Variants in SHOX2 observed in about 807,000 individuals in gnomAD.
SHOX2 encodes the protein short stature homeobox protein 2.
Under a neutral mutation model 31.3 loss-of-function variants are expected in SHOX2, and 13 were observed. The observed-to-expected ratio is 0.42, with a 90% confidence interval of 0.27 to 0.66. The LOEUF (loss-of-function observed/expected upper bound fraction) is 0.66, where lower values mean the gene tolerates loss of function less well. Ranked by LOEUF, SHOX2 falls within the 30% of genes least tolerant of loss-of-function variation. The pLI, the probability that SHOX2 is intolerant of heterozygous loss-of-function variation, is 0.27. For missense variants in SHOX2, 473 were observed against 443.0 expected, an observed-to-expected ratio of 1.07 and a Z score of -0.61; for synonymous variants, 244 against 196.2, an observed-to-expected ratio of 1.24 and a Z score of -2.04.
Position 158,106,120 on chromosome 3 carries a change from T to C in SHOX2, c.-96A>G, listed in dbSNP as rs75077515. The C allele has an allele frequency of 0.037, 57,856 of 1,560,980 alleles. 1,224 individuals carry two copies. The highest frequency in any genetic ancestry group is 0.044 in the Admixed American group (2,385 of 54,070). On this transcript the variant is annotated 5_prime_UTR_variant, in exon 1 of 5. Transcript: ENST00000483851. The stretch of plus-strand genomic sequence containing the variant: ...TTTACTGCTCCAGCCCCCCCAATAA[T>C]AACACATCAATGGGACAGGAGGTGG...
chr3:158,105,838 C>T lies in SHOX2; in HGVS notation c.187G>A (p.Gly63Ser). The T allele has an allele frequency of 1.4e-6, 2 of 1,447,616 alleles. No homozygotes were observed. Among genetic ancestry groups the T allele is most frequent in the Non-Finnish European group, 1.8e-6 (2 of 1,104,306 alleles). 89.7% of individuals were successfully genotyped at this position (1,447,616 alleles called of 1,614,324 possible). The change falls in exon 1 of 5, where the codon GGC becomes AGC. Residue 63 changes from glycine (G) to serine (S), a missense_variant. Gly to Ser is a moderately conservative substitution (Grantham distance 56). Coordinates refer to ENST00000483851, the MANE Select transcript of SHOX2 (RefSeq NM_001163678.2). ...CCGCCGCCTCCGCCTCCTCCGCCGC[C>T]GCCTCCGCCGGCCGCCCGGACTGCC... ...SPAVRAAGGG[G>S]GGGGGGGGGG...
chr3:158,096,625 A>G lies in SHOX2; in HGVS notation c.*1402T>C, dbSNP rs1455076765. ...GAATTTGACGGGATAGAGAGGGGGA[A>G]ATAAACCACTGTCTTCAAATAGGAC... On this transcript the variant is annotated 3_prime_UTR_variant, in exon 5 of 5. Coordinates refer to ENST00000483851, the MANE Select transcript of SHOX2 (RefSeq NM_001163678.2). The G allele has an allele frequency of 6.6e-6, 1 of 152,368 alleles. No individual in the cohort carries two copies. Among genetic ancestry groups the G allele is most frequent in the Non-Finnish European group, 1.5e-5 (1 of 68,008 alleles). The allele number at this position is 152,368 out of a possible 1,614,324, so 9.4% of individuals were successfully genotyped here. A position where few individuals can be genotyped will look rare whatever the true frequency, so the allele number is the denominator to read the frequency against.
chr3:158,105,704 C>T lies in SHOX2; in HGVS notation c.321G>A (p.Glu107=). Reference sequence around the variant, plus strand: ...CCTCCGTCAGTCGCGGGCTGCCCGGCTCCCTGCTTCTCTCGGCGGCGCCCA... The same window carrying T: ...CCTCCGTCAGTCGCGGGCTGCCCGGTTCCCTGCTTCTCTCGGCGGCGCCCA... ...LDMGAAERSR[E]PGSPRLTEVS... The change falls in exon 1 of 5, where the codon GAG becomes GAA. Residue 107 remains glutamate (E), a synonymous_variant. Transcript: ENST00000483851. The T allele has an allele frequency of 6.6e-7, 1 of 1,523,470 alleles. No homozygotes were observed. Among genetic ancestry groups the T allele is most frequent in the East Asian group, 2.8e-5 (1 of 36,322 alleles). 94.4% of individuals were successfully genotyped at this position (1,523,470 alleles called of 1,614,324 possible).
intron 1 of SHOX2, chr3:158,103,098 A>G: frequency 3.3e-6 from 2 of 605,772 alleles, no homozygotes; most frequent in Non-Finnish European, 5.9e-6. Flanking sequence ...GTCAAGTCTG[A>G]GCGGCCGCCT....
chr3:158,101,457 G>A (rs1366178083), intron 2 of SHOX2, among the ~76,000 whole-genome samples: 1 of 152,182 alleles, frequency 6.6e-6, no homozygotes, highest in African/African-American at 2.4e-5. Context: ...TGTTTTTAAG[G>A]GGTTGCTGAG....
In SHOX2 at chr3:158,100,326, G is replaced by C; in HGVS notation, c.556-15C>G. 6.4e-7 allele frequency: 1 copy of C among 1,571,752 alleles called. No homozygotes were observed. The highest frequency in any genetic ancestry group is 8.6e-7 in the Non-Finnish European group (1 of 1,166,714). On this transcript the variant is annotated splice_polypyrimidine_tract_variant and intron_variant, in intron 2 of 4. Transcript: ENST00000483851. ...TGAAACCAAACCTATAGGTTGGAGG[G>C]GGAAAAAAAATAAAACCTAGATGTT...
intron 2 of SHOX2, 75 bp downstream of exon 2, chr3:158,102,603 T>G: frequency 8.4e-7 from 1 of 1,184,846 alleles, no homozygotes; most frequent in Non-Finnish European, 1.3e-6. Context: ...ACCTCCCGAG[T>G]GTGTCCCCCA....
intron 2 of SHOX2, among the ~76,000 whole-genome samples, chr3:158,101,250 T>TC (rs1713468928): frequency 6.6e-6 from 1 of 152,198 alleles, no homozygotes; most frequent in African/African-American, 2.4e-5. Flanking sequence ...CTTTCATTGG[T>TC]ATGTTTTTGA....
At position 158,098,170 on chromosome 3, in the gene SHOX2, G is replaced by T. The variant is rs769454867; in HGVS notation, c.817C>A (p.Pro273Thr). 9 of 1,613,338 alleles carry T rather than the reference G, an allele frequency of 5.6e-6. No homozygotes were observed. In the Admixed American group the frequency reaches 6.7e-5, roughly 12 times the overall value. The part of the protein sequence containing the change: ...MMFPAPPFGL[P>T]LATLAADSAS... ...GAATCCGCGGCCAGCGTGGCGAGCGGCAGTCCGAAGGGCGGTGCTGGGAAC... is the reference window on the plus strand; with the variant it reads ...GAATCCGCGGCCAGCGTGGCGAGCGTCAGTCCGAAGGGCGGTGCTGGGAAC... The change falls in exon 5 of 5, where the codon CCG becomes ACG. Residue 273 changes from proline to threonine, a missense_variant. By Grantham distance (38) the Pro-to-Thr change is conservative (BLOSUM62 -1). This residue lies in a region of SHOX2 where 182 missense variants were observed against 167.2 expected (regional missense o/e 1.09). Coordinates refer to ENST00000483851, the MANE Select transcript of SHOX2 (RefSeq NM_001163678.2).
intron 1 of SHOX2, chr3:158,105,081 G>A: frequency 4.9e-6 from 7 of 1,442,530 alleles, no homozygotes; most frequent in Non-Finnish European, 6.4e-6. Flanking sequence ...CGCCTCGCCC[G>A]GGAGAAGCAG....
chr3:158,105,282 A>G, intron 1 of SHOX2: 1 of 627,958 alleles, frequency 1.6e-6, no homozygotes, highest in Non-Finnish European at 2.8e-6. Context: ...ACTCTGCGCT[A>G]GAGGCTAGCT....
At chr3:158,105,015 T>TCCCCACCCCCCCCCCCC in intron 1 of SHOX2, 1 of 475,242 alleles carries the variant, frequency 2.1e-6, no homozygotes, top group Non-Finnish European at 3.9e-6. Context: ...TAAATATAGA[T>TCCCCACCCCCCCCCCCC]CCCCACCTCC....
intron 3 of SHOX2, 83 bp downstream of exon 3, chr3:158,100,170 CT>C (rs1713408538): frequency 2.4e-5 from 29 of 1,225,394 alleles, no homozygotes; most frequent in Non-Finnish European, 2.8e-5. Context: ...TTTGAGGTTC[CT>C]TTTTTTCTGT....
chr3:158,099,541 T>C (rs546960921), intron 4 of SHOX2, among the ~76,000 whole-genome samples: 2 of 152,342 alleles, frequency 1.3e-5, no homozygotes, highest in South Asian at 4.1e-4. Flanking sequence ...AACCTCTGTA[T>C]TGGATTTGAC....
chr3:158,105,617 G>A, intron 1 of SHOX2, 62 bp downstream of exon 1: 1 of 1,443,922 alleles, frequency 6.9e-7, no homozygotes, highest in South Asian at 1.2e-5. Flanking sequence ...GTCCTCTCCC[G>A]CCCGAGAGGA....
rs1293593070 is a variant in SHOX2 at position 158,102,738 on chromosome 3, G to T, written c.495C>A (p.Pro165=). 2 of 1,614,074 alleles carry T rather than the reference G, an allele frequency of 1.2e-6. No homozygotes were observed. The highest frequency in any genetic ancestry group is 2.2e-5 in the South Asian group (2 of 91,080). Residue 165 remains proline (P), a synonymous_variant, in exon 2 of 5, where the codon CCC becomes CCA. Transcript: ENST00000483851. The part of the protein sequence containing the change: ...LERLFDETHY[P]DAFMREELSQ... ...TCAGTTCCTCTCGCATGAAGGCGTC[G>T]GGATAGTGGGTCTCGTCAAAAAGCC...
In SHOX2 at chr3:158,098,219, C is replaced by T; in HGVS notation, c.768G>A (p.Leu256=). Residue 256 remains leucine (L), a synonymous_variant, in exon 5 of 5, where the codon CTG becomes CTA. Transcript: ENST00000483851. The stretch of plus-strand genomic sequence containing the variant: ...ACATCATGTAGGGCGCGTGCGCGGC[C>T]AGGTGCGGATGCAGGTGGTGGTGCG... ...AHAHHHLHPH[L]AAHAPYMMFP... The T allele has an allele frequency of 6.2e-7, 1 of 1,613,902 alleles. No homozygotes were observed. The highest frequency in any genetic ancestry group is 8.5e-7 in the Non-Finnish European group (1 of 1,179,912).
chr3:158,097,768 C>T lies in SHOX2; in HGVS notation c.*259G>A. The T allele has an allele frequency of 1.9e-6, 1 of 533,658 alleles. No individual in the cohort carries two copies. Among genetic ancestry groups the T allele is most frequent in the African/African-American group, 1.9e-5 (1 of 52,214 alleles). The allele number at this position is 533,658 out of a possible 1,614,324, so 33.1% of individuals were successfully genotyped here. On this transcript the variant is annotated 3_prime_UTR_variant, in exon 5 of 5. Coordinates refer to ENST00000483851, the MANE Select transcript of SHOX2 (RefSeq NM_001163678.2). The stretch of plus-strand genomic sequence containing the variant: ...CTCTCCAGACTCCCCCAAACCCGCT[C>T]CTACAAAACCCAATTCTAGGCCCTC...
Position 158,100,694 on chromosome 3 carries a change from T to G in SHOX2, c.556-383A>C, listed in dbSNP as rs1713441639. 3.3e-5 allele frequency among the ~76,000 whole-genome samples: 5 copies of G among 152,202 alleles called. No homozygotes were observed. The South Asian group carries it at 1.0e-3, about 31-fold the overall frequency. On this transcript the variant is annotated intron_variant, in intron 2 of 4. Coordinates refer to ENST00000483851, the MANE Select transcript of SHOX2 (RefSeq NM_001163678.2). ...TAGCCTGTAATGTTAATTAGCTTCA[T>G]CTTAAAGAAAAACCAAACACCAGAG...
Sources: gnomAD v4.1 joint callset for allele counts (sites outside exome capture counted in the v4.1 genomes callset) on GRCh38, gnomAD v4.1.1 for gene constraint, gnomAD v4.1.1 regional missense constraint, MANE v1.5 for transcripts, NCBI Gene and HGNC (gene_info 2026-07-23, HGNC 2026-07-21) for gene names.